Variants in CFAP54 observed in about 807,000 individuals in gnomAD.
CFAP54 encodes the protein cilia- and flagella-associated protein 54.
CFAP54 carries 290 observed loss-of-function variants against 370.4 expected under a neutral mutation model. The ratio of observed to expected loss-of-function variants is 0.78; its 90% CI spans 0.71 to 0.86. The LOEUF (loss-of-function observed/expected upper bound fraction) is 0.86, where lower values mean the gene tolerates loss of function less well. CFAP54 is among the 40% of genes least tolerant of loss of function. The pLI is 0.00. For missense variants in CFAP54, 3,399 were observed against 3,528.7 expected (o/e 0.96, Z 0.93); for synonymous variants, 1,206 against 1,236.5 (o/e 0.98, Z 0.52).
chr12:96,658,293 C>T lies in CFAP54; in HGVS notation c.5407C>T (p.Pro1803Ser), dbSNP rs1165067671. 1 of 1,614,020 alleles carries T rather than the reference C, an allele frequency of 6.2e-7. No individual in the cohort carries two copies. Among genetic ancestry groups the T allele is most frequent in the Admixed American group, 1.7e-5 (1 of 60,024 alleles). Reference sequence around the variant, plus strand: ...GCTGAGAATACAGAAGTTCAAGGGCCCAGATATTACCCAACAACCTTGTGC... The same window carrying T: ...GCTGAGAATACAGAAGTTCAAGGGCTCAGATATTACCCAACAACCTTGTGC... ...LLLRIQKFKGPDITQQPCARY... is the reference protein window; with the variant it reads ...LLLRIQKFKGSDITQQPCARY... Residue 1803 changes from proline (P) to serine (S), a missense_variant, in exon 38 of 68, where the codon CCA (proline) becomes TCA (serine). Transcript: ENST00000524981.
At chr12:96,718,925 C>T (rs763036370) in intron 49 of CFAP54, among the ~76,000 whole-genome samples, 1 of 152,138 alleles carries the variant, frequency 6.6e-6, no homozygotes, top group Non-Finnish European at 1.5e-5. Flanking sequence ...GTAATTCTAG[C>T]TACTCAGGAG....
At chr12:96,797,478 C>A (rs1006399019) in intron 63 of CFAP54, among the ~76,000 whole-genome samples, 2 of 151,988 alleles carry the variant, frequency 1.3e-5, no homozygotes, top group Non-Finnish European at 2.9e-5. Flanking sequence ...ACAGTTCTCT[C>A]AAATTTTGCT....
In CFAP54 at chr12:96,503,993, C is replaced by T. The variant is rs1021595941; in HGVS notation, c.531C>T (p.Phe177=). ...VDVTQFKATF[F]PKGFKDKTAG... ...TAACTCAATTCAAAGCTACCTTTTT[C>T]CCAAAAGGCTTTAAAGATAAAACTG... Residue 177 remains phenylalanine, a synonymous_variant, in exon 3 of 68, where the codon TTC becomes TTT. Transcript: ENST00000524981. 3.9e-6 allele frequency: 6 copies of T among 1,522,938 alleles called. No individual in the cohort carries two copies. The highest frequency in any genetic ancestry group is 5.3e-6 in the Non-Finnish European group (6 of 1,142,652). 94.3% of individuals were successfully genotyped at this position (1,522,938 alleles called of 1,614,324 possible). A position where few individuals can be genotyped will look rare whatever the true frequency, so the allele number is the denominator to read the frequency against.
intron 66 of CFAP54, among the ~76,000 whole-genome samples, chr12:96,855,715 C>A (rs987530432): frequency 1.3e-5 from 2 of 152,248 alleles, no homozygotes; most frequent in East Asian, 1.9e-4. Flanking sequence ...TATAGCCCCC[C>A]TCTTGGGTGC....
At chr12:96,623,967 T>C in intron 28 of CFAP54, 86 bp downstream of exon 28, 1 of 867,270 alleles carries the variant, frequency 1.2e-6, no homozygotes, top group Non-Finnish European at 1.8e-6. Flanking sequence ...TAAGATGAGA[T>C]TAGCATTTGG....
At chr12:96,571,224 T>A (rs915240348) in intron 19 of CFAP54, among the ~76,000 whole-genome samples, 1 of 152,210 alleles carries the variant, frequency 6.6e-6, no homozygotes, top group South Asian at 2.1e-4. Context: ...AAGCATTGAG[T>A]AACTTCTGAA....
At chr12:96,645,373 C>A (rs1956776501) in intron 33 of CFAP54, 2 of 291,146 alleles carry the variant, frequency 6.9e-6, no homozygotes, top group Non-Finnish European at 1.4e-5. Context: ...AATAAAATAC[C>A]CAGGAATCCA....
chr12:96,654,848 T>A (rs1010453868), intron 36 of CFAP54, among the ~76,000 whole-genome samples: 1 of 151,092 alleles, frequency 6.6e-6, no homozygotes, highest in African/African-American at 2.4e-5. Flanking sequence ...TTTTTTTTTT[T>A]AAGAAATGAG....
intron 62 of CFAP54, among the ~76,000 whole-genome samples, chr12:96,787,509 A>G (rs78214258): frequency 0.015 from 2,329 of 152,352 alleles, 76 homozygotes; most frequent in African/African-American, 0.054. Context: ...AATTAAAGCT[A>G]CTAAAGTCTT....
chr12:96,688,773 T>C, intron 42 of CFAP54, 143 bp from the exon 43 acceptor site: 3 of 470,962 alleles, frequency 6.4e-6, no homozygotes, highest in Admixed American at 8.0e-5. Context: ...CTTTAATATA[T>C]TTTCCTTCTA....
intron 9 of CFAP54, among the ~76,000 whole-genome samples, chr12:96,531,695 G>T (rs574180062): frequency 2.6e-5 from 4 of 151,810 alleles, no homozygotes; most frequent in Admixed American, 1.3e-4. Flanking sequence ...TTAATTATTT[G>T]TTTCAACAAT....
intron 42 of CFAP54, 145 bp from the exon 43 acceptor site, chr12:96,688,771 T>C: frequency 2.1e-6 from 1 of 475,266 alleles, no homozygotes. Flanking sequence ...TTCTTTAATA[T>C]ATTTTCCTTC....
intron 67 of CFAP54, among the ~76,000 whole-genome samples, chr12:96,868,428 A>G (rs966505848): frequency 3.3e-4 from 38 of 116,672 alleles, no homozygotes; most frequent in African/African-American, 1.0e-3. Flanking sequence ...TTGTATGTTC[A>G]TCTTTTTTTT....
intron 63 of CFAP54, among the ~76,000 whole-genome samples, chr12:96,806,218 A>G (rs1326686314): frequency 8.6e-6 from 1 of 116,584 alleles, no homozygotes; most frequent in Non-Finnish European, 1.8e-5. Flanking sequence ...ATATATAATA[A>G]CAACATAAAA....
chr12:96,774,993 T>C (rs1393745761), intron 60 of CFAP54, among the ~76,000 whole-genome samples: 2 of 152,206 alleles, frequency 1.3e-5, no homozygotes, highest in African/African-American at 4.8e-5. Flanking sequence ...CCAAATATTT[T>C]CTGTAAATAG....
At chr12:96,707,759 A>G (rs1355501691) in intron 47 of CFAP54, among the ~76,000 whole-genome samples, 1 of 152,160 alleles carries the variant, frequency 6.6e-6, no homozygotes, top group Non-Finnish European at 1.5e-5. Context: ...TTGGGGGCAG[A>G]TGCTCAGGTG....
chr12:96,761,464 C>A (rs1327619702), intron 58 of CFAP54, among the ~76,000 whole-genome samples: 2 of 152,006 alleles, frequency 1.3e-5, no homozygotes, highest in Non-Finnish European at 2.9e-5. Flanking sequence ...TTTGGAGGCA[C>A]AAAGTTTTTA....
At chr12:96,847,594 C>T (rs1187565451) in intron 66 of CFAP54, among the ~76,000 whole-genome samples, 1 of 152,156 alleles carries the variant, frequency 6.6e-6, no homozygotes, top group Non-Finnish European at 1.5e-5. Flanking sequence ...AAACAATAAA[C>T]ATAACTTGAA....
At chr12:96,611,524 A>G (rs1403860342) in intron 26 of CFAP54, among the ~76,000 whole-genome samples, 1 of 152,258 alleles carries the variant, frequency 6.6e-6, no homozygotes, top group Non-Finnish European at 1.5e-5. Flanking sequence ...GCAGTGGAAC[A>G]AAGCTGGACG....
Sources: gnomAD v4.1 joint callset for allele counts (sites outside exome capture counted in the v4.1 genomes callset) on GRCh38, gnomAD v4.1.1 for gene constraint, MANE v1.5 for transcripts, NCBI Gene and HGNC (gene_info 2026-07-23, HGNC 2026-07-21) for gene names.